ASIC2: variants seen among roughly 807,000 people sequenced by gnomAD.
ASIC2 encodes the protein acid-sensing ion channel 2.
In ASIC2, 25 loss-of-function variants were observed where a neutral mutation model predicts 57.3. The observed-to-expected ratio is 0.44, with a 90% CI of 0.32 to 0.61. ASIC2 has a LOEUF of 0.61. Among genes scored for constraint, ASIC2 ranks in the 20% least tolerant of loss-of-function variants. The probability of loss-of-function intolerance (pLI) is 0.06; values close to 1 mark genes in which losing one functional copy is unlikely to be tolerated. For synonymous variants in ASIC2, 319 were observed against 307.5 expected, an observed-to-expected ratio of 1.04 and a Z score of -0.39; for missense variants, 641 against 738.1, an observed-to-expected ratio of 0.87 and a Z score of 1.52.
intron 1 of ASIC2, among the ~76,000 whole-genome samples, chr17:33,438,113 G>A (rs935442707): frequency 1.3e-5 from 2 of 152,064 alleles, no homozygotes; most frequent in African/African-American, 4.8e-5. Context: ...TTATGATGGG[G>A]GCTCCATAGT....
At chr17:33,043,177 G>A (rs931180439) in intron 3 of ASIC2, among the ~76,000 whole-genome samples, 1 of 152,032 alleles carries the variant, frequency 6.6e-6, no homozygotes, top group Non-Finnish European at 1.5e-5. Context: ...TGCCTTCCTC[G>A]GCCTCCTAAA....
At chr17:34,052,350 T>C (rs1156266560) in intron 1 of ASIC2, among the ~76,000 whole-genome samples, 2 of 152,198 alleles carry the variant, frequency 1.3e-5, no homozygotes, top group Non-Finnish European at 2.9e-5. Flanking sequence ...GCTGAGACTT[T>C]CTCCCTTTAG....
intron 1 of ASIC2, among the ~76,000 whole-genome samples, chr17:33,191,455 A>G (rs1906413672): frequency 6.6e-6 from 1 of 152,142 alleles, no homozygotes; most frequent in South Asian, 2.1e-4. Context: ...TCATCAGATT[A>G]AACACTTTAA....
At chr17:34,123,232 A>T (rs1423455466) in intron 1 of ASIC2, among the ~76,000 whole-genome samples, 1 of 152,140 alleles carries the variant, frequency 6.6e-6, no homozygotes, top group Non-Finnish European at 1.5e-5. Flanking sequence ...TAGGGAGAGG[A>T]TTCATCTTCG....
chr17:33,809,214 G>A (rs1487147783), intron 1 of ASIC2, among the ~76,000 whole-genome samples: 1 of 152,188 alleles, frequency 6.6e-6, no homozygotes, highest in Non-Finnish European at 1.5e-5. Flanking sequence ...TCTGCCTCTA[G>A]GCCCAGTGTT....
At chr17:33,918,571 T>C (rs1425180482) in intron 1 of ASIC2, among the ~76,000 whole-genome samples, 1 of 152,192 alleles carries the variant, frequency 6.6e-6, no homozygotes, top group Admixed American at 6.5e-5. Context: ...GGTTATGAAT[T>C]ATCAACCACC....
At chr17:33,025,778 TGCA>T (rs1278826957) in intron 5 of ASIC2, 145 bp downstream of exon 5, 1 of 702,374 alleles carries the variant, frequency 1.4e-6, no homozygotes, top group Non-Finnish European at 2.2e-6. Context: ...CTCCCATCCC[TGCA>T]GCAACTCCAC....
chr17:34,139,900 T>C (rs1912227246), intron 1 of ASIC2, among the ~76,000 whole-genome samples: 1 of 152,206 alleles, frequency 6.6e-6, no homozygotes, highest in Non-Finnish European at 1.5e-5. Context: ...GTGAATTGTA[T>C]GGAATGAGAA....
chr17:33,529,614 C>G (rs1399891277), intron 1 of ASIC2, among the ~76,000 whole-genome samples: 2 of 152,214 alleles, frequency 1.3e-5, no homozygotes, highest in Non-Finnish European at 2.9e-5. Flanking sequence ...CTCAACTTCC[C>G]TGAAACTCAG....
intron 1 of ASIC2, among the ~76,000 whole-genome samples, chr17:33,831,020 G>A (rs1913090918): frequency 7.1e-6 from 1 of 140,822 alleles, no homozygotes. Flanking sequence ...TGAGGCAGGA[G>A]AATCACTTAG....
At chr17:33,802,657 G>T (rs967203634) in intron 1 of ASIC2, among the ~76,000 whole-genome samples, 8 of 152,318 alleles carry the variant, frequency 5.3e-5, no homozygotes, top group African/African-American at 1.4e-4. Flanking sequence ...TTTCTTCCTG[G>T]TTTTAAACAG....
intron 1 of ASIC2, among the ~76,000 whole-genome samples, chr17:33,397,028 G>A (rs150151329): frequency 6.6e-6 from 1 of 152,288 alleles, no homozygotes; most frequent in African/African-American, 2.4e-5. Flanking sequence ...TCAAACACTA[G>A]AACTTACAAC....
At chr17:33,380,855 A>G (rs1013313068) in intron 1 of ASIC2, among the ~76,000 whole-genome samples, 2 of 152,234 alleles carry the variant, frequency 1.3e-5, no homozygotes, top group African/African-American at 4.8e-5. Context: ...TGAAAGGTCC[A>G]GTCTCTCTGT....
chr17:34,152,831 C>T (rs1472379594), intron 1 of ASIC2, among the ~76,000 whole-genome samples: 2 of 152,198 alleles, frequency 1.3e-5, no homozygotes, highest in African/African-American at 4.8e-5. Flanking sequence ...TGGGCAGAGA[C>T]ACAATCCCTC....
chr17:33,759,480 C>G (rs568823978), intron 1 of ASIC2, among the ~76,000 whole-genome samples: 1 of 152,128 alleles, frequency 6.6e-6, no homozygotes, highest in African/African-American at 2.4e-5. Context: ...AAGGATGCAG[C>G]CTGTTGACCT....
At position 33,247,241 on chromosome 17, in the gene ASIC2, T is replaced by C. The variant is rs1017022621; in HGVS notation, c.708+44167A>G. Among the ~76,000 whole-genome samples the C allele has an allele frequency of 2.0e-5, 3 of 152,224 alleles. No individual in the cohort carries two copies. In the East Asian group the frequency reaches 5.8e-4, roughly 29 times the overall value. On this transcript the variant is annotated intron_variant, in intron 1 of 9. Coordinates refer to ENST00000225823, the MANE Select transcript of ASIC2 (RefSeq NM_183377.2). ...GTGAGTTAGGTGGTGAGCCAATTTC[T>C]AGTCAAATAACCGCAAAGGCAGGAT...
At chr17:33,443,813 C>T (rs566394926) in intron 1 of ASIC2, among the ~76,000 whole-genome samples, 1 of 152,130 alleles carries the variant, frequency 6.6e-6, no homozygotes, top group African/African-American at 2.4e-5. Context: ...GTTTGGTAAT[C>T]TGTGTTCATT....
intron 1 of ASIC2, among the ~76,000 whole-genome samples, chr17:33,776,859 A>AAAT (rs1397639980): frequency 3.9e-5 from 6 of 152,290 alleles, no homozygotes; most frequent in African/African-American, 1.4e-4. Context: ...CCATTTTTAT[A>AAAT]AATAATAATA....
intron 1 of ASIC2, among the ~76,000 whole-genome samples, chr17:33,737,507 C>T (rs1404715780): frequency 9.7e-6 from 1 of 102,676 alleles, no homozygotes; most frequent in Non-Finnish European, 2.3e-5. Context: ...TGGTTTAAAT[C>T]TCAATCTAGT....
Sources: gnomAD v4.1 joint callset for allele counts (sites outside exome capture counted in the v4.1 genomes callset) on GRCh38, gnomAD v4.1.1 for gene constraint, MANE v1.5 for transcripts, NCBI Gene and HGNC (gene_info 2026-07-23, HGNC 2026-07-21) for gene names.